Variants in NOTCH4 observed in about 807,000 individuals in gnomAD.
The protein encoded by NOTCH4 is neurogenic locus notch homolog protein 4.
NOTCH4 carries 138 observed loss-of-function variants against 189.0 expected under a neutral mutation model. That is an observed-to-expected ratio of 0.73 (90% CI 0.64 to 0.84). NOTCH4 has a LOEUF of 0.84. Ranked by LOEUF, NOTCH4 falls within the 40% of genes least tolerant of loss-of-function variation. The pLI, the probability that NOTCH4 is intolerant of heterozygous loss-of-function variation, is 0.00. For synonymous variants in NOTCH4, 942 were observed against 1,032.8 expected (o/e 0.91, Z 1.69); for missense variants, 2,286 against 2,605.4 (o/e 0.88, Z 2.67).
At position 32,217,361 on chromosome 6, in the gene NOTCH4, A is replaced by G; in HGVS notation, c.1625-95T>C. 1 of 764,436 alleles carries G rather than the reference A, an allele frequency of 1.3e-6. No homozygotes were observed. The allele number at this position is 764,436 out of a possible 1,614,324, so 47.4% of individuals were successfully genotyped here. ...CTTGCCAGGAAAGGTGAACTTGCAG[A>G]GCTTCCCAGAGAAGACACCTGGGGC... On this transcript the variant is annotated intron_variant, in intron 9 of 29. Coordinates refer to ENST00000375023, the MANE Select transcript of NOTCH4 (RefSeq NM_004557.4). The surrounding 1 kb of genome is among the most constrained non-coding windows in gnomAD (Gnocchi z 4.2).
rs758417486 is a variant in NOTCH4 at position 32,217,276 on chromosome 6, C to T, written c.1625-10G>A. On this transcript the variant is annotated splice_polypyrimidine_tract_variant and intron_variant, in intron 9 of 29. Transcript: ENST00000375023. This position sits in a 1 kb window ranked among gnomAD's most constrained non-coding sequence, Gnocchi z 4.2. ...CGGGTGCCGGAGAATCCTGGTGGGG[C>T]GGAAGTGGGTGGGGAGAGGAGGCCA... 38 of 1,597,688 alleles carry T rather than the reference C, an allele frequency of 2.4e-5. 1 individual carries two copies. The highest frequency in any genetic ancestry group is 2.3e-5 in the Non-Finnish European group (27 of 1,166,686).
chr6:32,205,547 C>CAAAAAAA (rs9281672), intron 18 of NOTCH4, among the ~76,000 whole-genome samples: 109 of 51,810 alleles, frequency 2.1e-3, no homozygotes, highest in East Asian at 2.5e-3. Context: ...GATGCTGTCT[C>CAAAAAAA]AAAAAAAAAA....
At chr6:32,213,640 C>T (rs1789172391) in intron 14 of NOTCH4, 48 bp downstream of exon 14, 1 of 1,589,802 alleles carries the variant, frequency 6.3e-7, no homozygotes, top group Non-Finnish European at 8.6e-7. Context: ...CTCCTTAGTT[C>T]TTCCATTCTC....
rs1212808937 is a variant in NOTCH4 at position 32,210,645 on chromosome 6, A to C, written c.2865+107T>G. The C allele has an allele frequency of 1.8e-6, 2 of 1,128,134 alleles. No homozygotes were observed. The highest frequency in any genetic ancestry group is 1.6e-5 in the African/African-American group (1 of 64,138). 69.9% of individuals were successfully genotyped at this position (1,128,134 alleles called of 1,614,324 possible). Reference sequence around the variant, plus strand: ...AGTTGGGTGTGTGGGGTTAAAAAAAATAAAAGGAGGTGAAATGGATACATT... The same window carrying C: ...AGTTGGGTGTGTGGGGTTAAAAAAACTAAAAGGAGGTGAAATGGATACATT... On this transcript the variant is annotated intron_variant, in intron 18 of 29. Transcript: ENST00000375023. This position sits in a 1 kb window ranked among gnomAD's most constrained non-coding sequence, Gnocchi z 4.8.
At position 32,222,554 on chromosome 6, in the gene NOTCH4, C is replaced by G. The variant is rs2127490675; in HGVS notation, c.408G>C (p.Gln136His). ...AGGAGCACTGTGGGCGGCCCGAGGC[C>G]TGGATGTGGCAGCGGCCCCTTTTGG... The part of the protein sequence containing the change: ...FCSKRGRCHI[Q>H]ASGRPQCSCM... Residue 136 changes from glutamine to histidine, a missense_variant, in exon 3 of 30, where the codon CAG (glutamine) becomes CAC (histidine). By Grantham distance (24) the Gln-to-His change is conservative. Coordinates refer to ENST00000375023, the MANE Select transcript of NOTCH4 (RefSeq NM_004557.4). The G allele has an allele frequency of 1.3e-6, 2 of 1,576,446 alleles. No homozygotes were observed. The highest frequency in any genetic ancestry group is 1.7e-6 in the Non-Finnish European group (2 of 1,165,346).
intron 7 of NOTCH4, 68 bp downstream of exon 7, chr6:32,220,061 C>T: frequency 6.6e-7 from 1 of 1,521,148 alleles, no homozygotes; most frequent in Non-Finnish European, 8.9e-7. Flanking sequence ...AGCAATCTGC[C>T]CTTTTCTGTC....
chr6:32,223,982 T>TC lies in NOTCH4; in HGVS notation c.-55dup. On this transcript the variant is annotated 5_prime_UTR_variant, in exon 1 of 30. Coordinates refer to ENST00000375023, the MANE Select transcript of NOTCH4 (RefSeq NM_004557.4). ...CCTGTCCCTCTTCAGGCAGGGACCC[T>TC]CAGAGCTCTCACTGGGGCAGGAGCC... The TC allele has an allele frequency of 6.6e-7, 1 of 1,526,160 alleles. No homozygotes were observed. Among genetic ancestry groups the TC allele is most frequent in the South Asian group, 1.2e-5 (1 of 83,242 alleles). The allele number at this position is 1,526,160 out of a possible 1,614,324, so 94.5% of individuals were successfully genotyped here. A position where few individuals can be genotyped will look rare whatever the true frequency, so the allele number is the denominator to read the frequency against.
intron 12 of NOTCH4, 81 bp from the exon 13 acceptor site, chr6:32,214,336 CT>C: frequency 6.7e-7 from 1 of 1,495,904 alleles, no homozygotes; most frequent in Non-Finnish European, 9.2e-7. Flanking sequence ...ACCCCTATGA[CT>C]TCCTCTTCTT....
At chr6:32,196,875 C>T (rs1787972629) in intron 28 of NOTCH4, 50 bp downstream of exon 28, 1 of 1,602,624 alleles carries the variant, frequency 6.2e-7, no homozygotes. Flanking sequence ...TATCTCCCAC[C>T]CCATCTGCTC....
rs778612492 is a variant in NOTCH4, at chr6:32,212,239, G to A, written c.2680+235C>T. On this transcript the variant is annotated intron_variant, in intron 17 of 29. Coordinates refer to ENST00000375023, the MANE Select transcript of NOTCH4 (RefSeq NM_004557.4). This position sits in a 1 kb window ranked among gnomAD's most constrained non-coding sequence, Gnocchi z 4.4. ...GGTTGGGTTAAACTGGAATCCTGTG[G>A]AATGGGCTGGTTGGTGTTGCTTGAA... Among the ~76,000 whole-genome samples the A allele has an allele frequency of 6.6e-6, 1 of 152,166 alleles. No individual in the cohort carries two copies. The highest frequency in any genetic ancestry group is 1.5e-5 in the Non-Finnish European group (1 of 68,024).
intron 18 of NOTCH4, among the ~76,000 whole-genome samples, chr6:32,207,435 C>A (rs931915115): frequency 1.3e-5 from 2 of 151,438 alleles, no homozygotes; most frequent in Admixed American, 1.3e-4. Context: ...ACCAGCCTGA[C>A]CAATATGGTG....
Position 32,222,624 on chromosome 6 carries a change from C to T in NOTCH4, c.338G>A (p.Arg113Lys), listed in dbSNP as rs760115773. The T allele has an allele frequency of 1.2e-6, 2 of 1,604,906 alleles. No homozygotes were observed. Among genetic ancestry groups the T allele is most frequent in the South Asian group, 2.2e-5 (2 of 89,916 alleles). Residue 113 changes from arginine (R) to lysine (K), a missense_variant, in exon 3 of 30, where the codon AGA (arginine) becomes AAA (lysine). Physicochemically the swap from Arg to Lys is conservative, Grantham distance 26. This residue lies in a region of NOTCH4 where 1,903 missense variants were observed against 2,261.9 expected (regional missense o/e 0.84). Coordinates refer to ENST00000375023, the MANE Select transcript of NOTCH4 (RefSeq NM_004557.4). ...CTCLPGFTGE[R>K]CQAKLEDPCP... is the part of the protein sequence containing the mutation. ...AGGGTCTTCAAGCTTGGCCTGGCATCTCTCACCAGTGAAGCCAGGGAGGCA... is the reference window on the plus strand; with the variant it reads ...AGGGTCTTCAAGCTTGGCCTGGCATTTCTCACCAGTGAAGCCAGGGAGGCA...
intron 13 of NOTCH4, 31 bp downstream of exon 13, chr6:32,214,079 C>T (rs958213791): frequency 6.3e-7 from 1 of 1,588,150 alleles, no homozygotes; most frequent in African/African-American, 1.4e-5. Context: ...GTGACCAGCA[C>T]AGGGTGTATA....
chr6:32,196,151 C>A lies in NOTCH4; in HGVS notation c.5299-1G>T, dbSNP rs752207666. ...CCGCCAGGAATAGCGGCGTCTGCTC[C>A]TGTACAGAAGAGCCAGGGCCGATAT... On this transcript the variant is annotated splice_acceptor_variant, in intron 29 of 29. Coordinates refer to ENST00000375023, the MANE Select transcript of NOTCH4 (RefSeq NM_004557.4). LOFTEE classifies it high-confidence loss of function. 22 of 1,590,690 alleles carry A rather than the reference C, an allele frequency of 1.4e-5. No individual in the cohort carries two copies. Among genetic ancestry groups the A allele is most frequent in the African/African-American group, 8.0e-5 (6 of 74,590 alleles).
chr6:32,222,210 CTCT>C (rs35565902), intron 3 of NOTCH4, among the ~76,000 whole-genome samples: 39,936 of 152,000 alleles, frequency 0.26, 5,442 homozygotes, highest in East Asian at 0.45. Flanking sequence ...AGCAATGACC[CTCT>C]TCTAGCTGCT....
chr6:32,201,462 T>C lies in NOTCH4; in HGVS notation c.3794A>G (p.Asn1265Ser), dbSNP rs2127466125. 6.5e-7 allele frequency: 1 copy of C among 1,526,796 alleles called. No individual in the cohort carries two copies. The highest frequency in any genetic ancestry group is 1.4e-5 in the African/African-American group (1 of 72,268). The allele number at this position is 1,526,796 out of a possible 1,614,324, so 94.6% of individuals were successfully genotyped here. A position where few individuals can be genotyped will look rare whatever the true frequency, so the allele number is the denominator to read the frequency against. The change falls in exon 22 of 30, where the codon AAC (asparagine) becomes AGC (serine). Residue 1265 changes from asparagine to serine, a missense_variant. Coordinates refer to ENST00000375023, the MANE Select transcript of NOTCH4 (RefSeq NM_004557.4). The surrounding 1 kb of genome is among the most constrained non-coding windows in gnomAD (Gnocchi z 5.5). Reference sequence around the variant, plus strand: ...GTTGCAGCCTTTCTCACAGTGCCCGTTGTGGAAGTGATCATGGCAGTACTG... The same window carrying C: ...GTTGCAGCCTTTCTCACAGTGCCCGCTGTGGAAGTGATCATGGCAGTACTG... ...YDQYCHDHFHNGHCEKGCNTA... is the reference protein window; with the variant it reads ...YDQYCHDHFHSGHCEKGCNTA...
intron 28 of NOTCH4, 27 bp downstream of exon 28, chr6:32,196,898 G>A (rs1490775887): frequency 6.2e-7 from 1 of 1,612,254 alleles, no homozygotes; most frequent in Admixed American, 1.7e-5. Context: ...CTTCTCTATA[G>A]CATACATCAC....
Position 32,220,120 on chromosome 6 carries a change from T to G in NOTCH4, c.1315+9A>C, listed in dbSNP as rs1225651836. On this transcript the variant is annotated intron_variant, in intron 7 of 29. Coordinates refer to ENST00000375023, the MANE Select transcript of NOTCH4 (RefSeq NM_004557.4). ...GCTCAGAGAGGCTCTGAAGTGGGAG[T>G]GGCCTCACCCATCAGACACTCGTCC... 1.2e-6 allele frequency: 2 copies of G among 1,612,276 alleles called. No homozygotes were observed. Among genetic ancestry groups the G allele is most frequent in the East Asian group, 4.5e-5 (2 of 44,880 alleles).
At chr6:32,223,159 T>C (rs1789901661) in intron 1 of NOTCH4, 73 bp from the exon 2 acceptor site, 2 of 1,122,636 alleles carry the variant, frequency 1.8e-6, no homozygotes, top group African/African-American at 1.5e-5. Context: ...TAGGTGCTCC[T>C]GAGAGACCTG....
Sources: gnomAD v4.1 joint callset for allele counts (sites outside exome capture counted in the v4.1 genomes callset) on GRCh38, gnomAD v4.1.1 for gene constraint, gnomAD v4.1.1 regional missense constraint, Gnocchi (gnomAD v3.1) non-coding constraint, MANE v1.5 for transcripts, NCBI Gene and HGNC (gene_info 2026-07-23, HGNC 2026-07-21) for gene names.